The following ZNF142 variants were observed in gnomAD, a reference collection of about 807,000 sequenced individuals.
ZNF142 encodes the protein zinc finger protein 142 (clone pHZ-49).
ZNF142 carries 96 observed loss-of-function variants against 132.1 expected under a neutral mutation model. The ratio of observed to expected loss-of-function variants is 0.73; its 90% CI spans 0.62 to 0.86. The LOEUF is 0.86. ZNF142 is among the 40% of genes least tolerant of loss of function. The pLI, the probability that ZNF142 is intolerant of heterozygous loss-of-function variation, is 0.00. For synonymous variants in ZNF142, 842 were observed against 890.1 expected (o/e 0.95, Z 0.96); for missense variants, 2,163 against 2,336.2 (o/e 0.93, Z 1.53).
intron 10 of ZNF142, among the ~76,000 whole-genome samples, chr2:218,639,733 G>GA (rs34789965): frequency 0.73 from 74,504 of 101,728 alleles, 32,308 homozygotes; most frequent in Non-Finnish European, 0.94. Flanking sequence ...CCCTGTCACT[G>GA]AAAAAAAAAA....
intron 3 of ZNF142, among the ~76,000 whole-genome samples, chr2:218,657,367 T>C (rs553272114): frequency 9.2e-5 from 14 of 152,326 alleles, no homozygotes; most frequent in Middle Eastern, 6.8e-3. Context: ...CTCTCTCTTA[T>C]CTGGCTAACC....
chr2:218,645,705 G>A (rs932824766), intron 8 of ZNF142, among the ~76,000 whole-genome samples: 4 of 152,208 alleles, frequency 2.6e-5, no homozygotes, highest in East Asian at 1.9e-4. Flanking sequence ...GCCAGCTGTA[G>A]GCAATGGAGT....
At position 218,641,601 on chromosome 2, in the gene ZNF142, A is replaced by T. The variant is rs770785786; in HGVS notation, c.5088+427T>A. ...GTCACTCAGGCTGGGGTGCAGTGGC[A>T]TGATCATAGCTCACTGCAGCCTCAA... On this transcript the variant is annotated intron_variant, in intron 9 of 10. Transcript: ENST00000411696. Among the ~76,000 whole-genome samples the T allele has an allele frequency of 1.1e-3, 160 of 151,194 alleles. 1 individual carries two copies. Among genetic ancestry groups the T allele is most frequent in the Non-Finnish European group, 2.1e-3 (143 of 67,798 alleles).
chr2:218,645,320 G>A (rs967352218), intron 8 of ZNF142, among the ~76,000 whole-genome samples: 2 of 152,186 alleles, frequency 1.3e-5, no homozygotes, highest in Non-Finnish European at 2.9e-5. Context: ...TAGCTTCAGG[G>A]CCTGTGTTCT....
In ZNF142 at chr2:218,638,484, A is replaced by T; in HGVS notation, c.5519T>A (p.Val1840Glu). 1 of 1,601,480 alleles carries T rather than the reference A, an allele frequency of 6.2e-7. No individual in the cohort carries two copies. The highest frequency in any genetic ancestry group is 8.5e-7 in the Non-Finnish European group (1 of 1,171,824). Residue 1840 changes from valine to glutamate, a missense_variant, in exon 11 of 11, where the codon GTA (valine) becomes GAA (glutamate). Val to Glu is a moderately radical substitution (Grantham distance 121). Coordinates refer to ENST00000411696, the MANE Select transcript of ZNF142 (RefSeq NM_001379659.1). ...AKQKFQVVKH[V>E]RRHHPDQADP... ...GGCTTGGTCAGGGTGGTGCCTGCGT[A>T]CGTGCTTGACCACCTGGAACTTTTG...
rs1198907389 is a variant in ZNF142, at chr2:218,636,837, T to A, written c.*1502A>T. The A allele has an allele frequency of 1.8e-6, 1 of 546,158 alleles. No individual in the cohort carries two copies. The highest frequency in any genetic ancestry group is 1.5e-5 in the South Asian group (1 of 65,314). The allele number at this position is 546,158 out of a possible 1,614,324, so 33.8% of individuals were successfully genotyped here. The stretch of plus-strand genomic sequence containing the variant: ...TTCCTTTGTGTACTCTATACTGGAG[T>A]TCCCTTCTTCCTCTTGCTGTAGGCT... On this transcript the variant is annotated 3_prime_UTR_variant, in exon 11 of 11. Coordinates refer to ENST00000411696, the MANE Select transcript of ZNF142 (RefSeq NM_001379659.1).
intron 4 of ZNF142, among the ~76,000 whole-genome samples, chr2:218,654,372 CTTT>C (rs56358619): frequency 2.0e-5 from 3 of 147,418 alleles, no homozygotes; most frequent in East Asian, 2.0e-4. Context: ...AATGCATCTC[CTTT>C]TTTTTTTTTG....
intron 6 of ZNF142, 86 bp from the exon 7 acceptor site, chr2:218,649,545 C>T: frequency 7.8e-7 from 1 of 1,279,006 alleles, no homozygotes. Flanking sequence ...TGCTCAGACA[C>T]AAACGATGTG....
chr2:218,640,862 C>G, intron 9 of ZNF142, 93 bp from the exon 10 acceptor site: 1 of 957,308 alleles, frequency 1.0e-6, no homozygotes, highest in Non-Finnish European at 1.6e-6. Flanking sequence ...CTGTTCTATG[C>G]CTTTATCATA....
At chr2:218,641,243 A>ATTTTTT (rs71276228) in intron 9 of ZNF142, among the ~76,000 whole-genome samples, 1 of 103,920 alleles carries the variant, frequency 9.6e-6, no homozygotes, top group African/African-American at 3.7e-5. Flanking sequence ...CTGGCCGATA[A>ATTTTTT]TTTTTTTTTT....
rs1233823626 is a variant in ZNF142, at chr2:218,642,504, G to A, written c.4612C>T (p.Pro1538Ser). 4 of 1,607,522 alleles carry A rather than the reference G, an allele frequency of 2.5e-6. No individual in the cohort carries two copies. Among genetic ancestry groups the A allele is most frequent in the Non-Finnish European group, 3.4e-6 (4 of 1,175,986 alleles). Residue 1538 changes from proline to serine, a missense_variant, in exon 9 of 11, where the codon CCC becomes TCC. Physicochemically the swap from Pro to Ser is moderately conservative, Grantham distance 74 (BLOSUM62 -1). This residue lies in a region of ZNF142 where 809 missense variants were observed against 801.7 expected (regional missense o/e 1.01). Coordinates refer to ENST00000411696, the MANE Select transcript of ZNF142 (RefSeq NM_001379659.1). This position sits in a 1 kb window ranked among gnomAD's most constrained non-coding sequence, Gnocchi z 4.6. ...LHCSRCGLLCPSPASLRGHTR... is the reference protein window; with the variant it reads ...LHCSRCGLLCSSPASLRGHTR... ...TGTCCTCGTAAGCTGGCAGGGCTGG[G>A]GCACAGCAACCCACAGCGGGAACAG...
At chr2:218,641,184 T>C (rs942497274) in intron 9 of ZNF142, among the ~76,000 whole-genome samples, 2 of 151,874 alleles carry the variant, frequency 1.3e-5, no homozygotes, top group Admixed American at 6.6e-5. Flanking sequence ...AGCAATCCTC[T>C]GGCCTTGGCC....
At position 218,643,516 on chromosome 2, in the gene ZNF142, G is replaced by A. The variant is rs201010557; in HGVS notation, c.3600C>T (p.His1200=). ...SSPTEAPKKH[H]LDPVPPAGNS... ...TTCCTGCAGGAGGGACTGGGTCAAG[G>A]TGGTGCTTCTTAGGGGCCTCCGTGG... is the stretch of plus-strand genomic sequence containing the variant. Residue 1200 remains histidine (H), a synonymous_variant, in exon 9 of 11, where the codon CAC becomes CAT. Transcript: ENST00000411696. The A allele has an allele frequency of 1.2e-5, 20 of 1,611,824 alleles. 1 individual carries two copies. The East Asian group carries it at 3.6e-4, about 29-fold the overall frequency.
chr2:218,634,809 GCAA>G lies in ZNF142; in HGVS notation c.*3527_*3529del, dbSNP rs1696617926. Among the ~76,000 whole-genome samples the G allele has an allele frequency of 6.6e-6, 1 of 152,198 alleles. No homozygotes were observed. Among genetic ancestry groups the G allele is most frequent in the Non-Finnish European group, 1.5e-5 (1 of 68,032 alleles). On this transcript the variant is annotated 3_prime_UTR_variant, in exon 11 of 11. Coordinates refer to ENST00000411696, the MANE Select transcript of ZNF142 (RefSeq NM_001379659.1). This position sits in a 1 kb window ranked among gnomAD's most constrained non-coding sequence, Gnocchi z 4.0. The stretch of plus-strand genomic sequence containing the variant: ...CAACTTCCTAATTGGGTAATGTTGG[GCAA>G]GTTCCTTAACCTCTCCATACCTCAG...
chr2:218,655,900 T>A (rs1938437567), intron 4 of ZNF142, among the ~76,000 whole-genome samples: 2 of 152,178 alleles, frequency 1.3e-5, no homozygotes, highest in Non-Finnish European at 2.9e-5. Context: ...AAGGTCTTAC[T>A]TTCTGGATTA....
intron 6 of ZNF142, among the ~76,000 whole-genome samples, 167 bp downstream of exon 6, chr2:218,650,192 A>G (rs1487953156): frequency 6.6e-6 from 1 of 152,178 alleles, no homozygotes; most frequent in African/African-American, 2.4e-5. Context: ...TTTACCATTC[A>G]CTCATTTATC....
chr2:218,642,899 T>G lies in ZNF142; in HGVS notation c.4217A>C (p.Asp1406Ala), dbSNP rs376888579. 11 of 1,613,858 alleles carry G rather than the reference T, an allele frequency of 6.8e-6. No homozygotes were observed. The highest frequency in any genetic ancestry group is 8.5e-6 in the Non-Finnish European group (10 of 1,180,016). Reference protein sequence around the residue: ...GVKPHQCPFCDFSTTRRYRLE... With the variant: ...GVKPHQCPFCAFSTTRRYRLE... ...CCGGTACCGTCTGGTGGTCGAAAAG[T>G]CACAGAAGGGGCACTGATGGGGCTT... is the stretch of plus-strand genomic sequence containing the variant. Residue 1406 changes from aspartate (D) to alanine (A), a missense_variant, in exon 9 of 11, where the codon GAC (aspartate) becomes GCC (alanine). Coordinates refer to ENST00000411696, the MANE Select transcript of ZNF142 (RefSeq NM_001379659.1). This position sits in a 1 kb window ranked among gnomAD's most constrained non-coding sequence, Gnocchi z 4.6.
At position 218,638,617 on chromosome 2, in the gene ZNF142, T is replaced by C. The variant is rs771072813; in HGVS notation, c.5386A>G (p.Asn1796Asp). Reference sequence around the variant, plus strand: ...CAGCGGAAAGCACGGTGGCACACATTGCACACATAGGGTTTGGCCTCACTG... The same window carrying C: ...CAGCGGAAAGCACGGTGGCACACATCGCACACATAGGGTTTGGCCTCACTG... Reference protein sequence around the residue: ...KHSEAKPYVCNVCHRAFRWAA... With the variant: ...KHSEAKPYVCDVCHRAFRWAA... The change falls in exon 11 of 11, where the codon AAT becomes GAT. Residue 1796 changes from asparagine (N) to aspartate (D), a missense_variant. By Grantham distance (23) the Asn-to-Asp change is conservative. Coordinates refer to ENST00000411696, the MANE Select transcript of ZNF142 (RefSeq NM_001379659.1). 6 of 1,614,196 alleles carry C rather than the reference T, an allele frequency of 3.7e-6. No homozygotes were observed. The Admixed American group carries it at 8.3e-5, about 22-fold the overall frequency.
chr2:218,634,465 G>C lies in ZNF142; in HGVS notation c.*3874C>G. On this transcript the variant is annotated 3_prime_UTR_variant, in exon 11 of 11. Coordinates refer to ENST00000411696, the MANE Select transcript of ZNF142 (RefSeq NM_001379659.1). This position sits in a 1 kb window ranked among gnomAD's most constrained non-coding sequence, Gnocchi z 4.0. ...TTCTCCTGGGGCCCTCAGTGGCCAT[G>C]AATATGCAGACTGCAGGGCTTGAAA... The C allele has an allele frequency of 6.2e-7, 1 of 1,612,406 alleles. No homozygotes were observed. Among genetic ancestry groups the C allele is most frequent in the Non-Finnish European group, 8.5e-7 (1 of 1,179,342 alleles).
Sources: gnomAD v4.1 joint callset for allele counts (sites outside exome capture counted in the v4.1 genomes callset) on GRCh38, gnomAD v4.1.1 for gene constraint, gnomAD v4.1.1 regional missense constraint, Gnocchi (gnomAD v3.1) non-coding constraint, MANE v1.5 for transcripts, NCBI Gene and HGNC (gene_info 2026-07-23, HGNC 2026-07-21) for gene names.